The following EML5 variants were observed in gnomAD, a reference collection of about 807,000 sequenced individuals.
EML5 encodes the protein echinoderm microtubule-associated protein-like 5.
A neutral mutation model predicts 250.0 loss-of-function variants in EML5; 120 were observed. The ratio of observed to expected loss-of-function variants is 0.48; its 90% CI spans 0.41 to 0.56. The LOEUF is 0.56. Among genes scored for constraint, EML5 ranks in the 20% least tolerant of loss-of-function variants. The probability of loss-of-function intolerance (pLI) is 0.00; values close to 1 mark genes in which losing one functional copy is unlikely to be tolerated. For synonymous variants in EML5, 771 were observed against 806.5 expected (o/e 0.96, Z 0.75); for missense variants, 2,006 against 2,437.6 (o/e 0.82, Z 3.73).
intron 29 of EML5, among the ~76,000 whole-genome samples, chr14:88,645,373 C>G (rs1002226183): frequency 1.3e-5 from 2 of 152,080 alleles, no homozygotes; most frequent in Admixed American, 6.5e-5. Flanking sequence ...AATAACAGCA[C>G]AAGAGTAGAT....
At chr14:88,763,895 G>A (rs115785984) in intron 1 of EML5, among the ~76,000 whole-genome samples, 16 of 152,124 alleles carry the variant, frequency 1.1e-4, no homozygotes, top group African/African-American at 2.2e-4. Context: ...TTTTATAGCC[G>A]GGTTAAAGAA....
chr14:88,667,340 G>A (rs1262955580), intron 21 of EML5, among the ~76,000 whole-genome samples: 2 of 152,024 alleles, frequency 1.3e-5, no homozygotes, highest in Non-Finnish European at 2.9e-5. Context: ...ACAATTTTGT[G>A]TTAAAAGAAT....
chr14:88,631,164 GAT>G (rs34195019), intron 33 of EML5, among the ~76,000 whole-genome samples: 15,298 of 152,220 alleles, frequency 0.1, 852 homozygotes, highest in Non-Finnish European at 0.12. Context: ...AGAGACAAAA[GAT>G]ATTCCCATAG....
chr14:88,662,114 T>C (rs2092122090), intron 24 of EML5, among the ~76,000 whole-genome samples: 2 of 152,046 alleles, frequency 1.3e-5, no homozygotes, highest in African/African-American at 4.8e-5. Flanking sequence ...TTTCTGACTT[T>C]AGGATAATCA....
intron 1 of EML5, among the ~76,000 whole-genome samples, chr14:88,773,552 T>C (rs1397817158): frequency 6.6e-6 from 1 of 152,186 alleles, no homozygotes; most frequent in Non-Finnish European, 1.5e-5. Flanking sequence ...GGATTACTAT[T>C]AAATCCAGAG....
chr14:88,735,086 A>G (rs1283449176), intron 7 of EML5, among the ~76,000 whole-genome samples: 1 of 152,194 alleles, frequency 6.6e-6, no homozygotes, highest in Non-Finnish European at 1.5e-5. Flanking sequence ...ATCAGGGAAA[A>G]AAAAGACAAA....
intron 13 of EML5, among the ~76,000 whole-genome samples, 183 bp from the exon 14 acceptor site, chr14:88,702,815 T>C (rs1298596981): frequency 6.6e-6 from 1 of 152,026 alleles, no homozygotes; most frequent in Non-Finnish European, 1.5e-5. Context: ...AGTGCAGTGG[T>C]GTGACTGCAG....
intron 20 of EML5, 31 bp downstream of exon 20, chr14:88,684,983 AG>A: frequency 1.3e-6 from 2 of 1,571,236 alleles, no homozygotes. Flanking sequence ...TTGTATGTAA[AG>A]AAAAAAAAAC....
At chr14:88,618,485 A>G in intron 40 of EML5, 154 bp from the exon 41 acceptor site, 1 of 1,074,078 alleles carries the variant, frequency 9.3e-7, no homozygotes, top group African/African-American at 1.6e-5. Flanking sequence ...ATAGGAGAAA[A>G]GCTCTGATAA....
intron 29 of EML5, 58 bp from the exon 30 acceptor site, chr14:88,644,569 C>G: frequency 6.8e-7 from 1 of 1,465,164 alleles, no homozygotes; most frequent in Non-Finnish European, 9.6e-7. Context: ...CTTCACTGAG[C>G]CTCTCACACC....
intron 1 of EML5, among the ~76,000 whole-genome samples, chr14:88,756,221 A>G (rs886748313): frequency 2.0e-5 from 3 of 152,188 alleles, no homozygotes; most frequent in African/African-American, 7.2e-5. Flanking sequence ...ATCAACAAAT[A>G]TGGCATATTA....
At chr14:88,679,255 AC>A (rs1410726173) in intron 21 of EML5, among the ~76,000 whole-genome samples, 3 of 151,212 alleles carry the variant, frequency 2.0e-5, no homozygotes, top group Non-Finnish European at 4.4e-5. Context: ...TAGAACTTCA[AC>A]ATATCTTTTC....
chr14:88,729,865 T>TTTTTC (rs1248168978), intron 7 of EML5, among the ~76,000 whole-genome samples: 10 of 83,956 alleles, frequency 1.2e-4, no homozygotes, highest in African/African-American at 7.0e-4. Context: ...TCGGTCTTGT[T>TTTTTC]TTTTGTTTTT....
rs929585451 is a variant in EML5 at position 88,614,797 on chromosome 14, A to G, written c.*1021T>C. 1 of 152,164 alleles carries G rather than the reference A, an allele frequency of 6.6e-6. No homozygotes were observed. Among genetic ancestry groups the G allele is most frequent in the African/African-American group, 2.4e-5 (1 of 41,458 alleles). 9.4% of individuals were successfully genotyped at this position (152,164 alleles called of 1,614,324 possible). A position where few individuals can be genotyped will look rare whatever the true frequency, so the allele number is the denominator to read the frequency against. On this transcript the variant is annotated 3_prime_UTR_variant, in exon 44 of 44. Transcript: ENST00000554922. ...AATTCTAACTGACAAGTTTTTACAA[A>G]TGGAGTTGGGCTCATTCATTTTGGA...
intron 28 of EML5, among the ~76,000 whole-genome samples, chr14:88,647,747 A>G (rs2091427605): frequency 6.6e-6 from 1 of 151,772 alleles, no homozygotes; most frequent in African/African-American, 2.4e-5. Context: ...GAATCACAAG[A>G]AAGGTGAAAA....
chr14:88,697,898 G>A (rs1427791879), intron 14 of EML5, among the ~76,000 whole-genome samples: 1 of 151,920 alleles, frequency 6.6e-6, no homozygotes, highest in East Asian at 1.9e-4. Flanking sequence ...ACCACACCCA[G>A]CTAATTTTTT....
At chr14:88,621,410 G>C in intron 37 of EML5, 109 bp from the exon 38 acceptor site, 10 of 1,319,150 alleles carry the variant, frequency 7.6e-6, no homozygotes, top group Non-Finnish European at 9.6e-6. Context: ...TTTTTGCTTT[G>C]AGCTAATCTA....
intron 1 of EML5, among the ~76,000 whole-genome samples, chr14:88,763,740 C>G (rs933022810): frequency 6.6e-6 from 1 of 152,088 alleles, no homozygotes; most frequent in African/African-American, 2.4e-5. Flanking sequence ...TGATGAACAT[C>G]GATGCAAAAA....
At chr14:88,749,095 G>T (rs1456705158) in intron 2 of EML5, among the ~76,000 whole-genome samples, 1 of 151,824 alleles carries the variant, frequency 6.6e-6, no homozygotes, top group Non-Finnish European at 1.5e-5. Flanking sequence ...TCCCAAGCAG[G>T]ATAATCATTC....
Sources: gnomAD v4.1 joint callset for allele counts (sites outside exome capture counted in the v4.1 genomes callset) on GRCh38, gnomAD v4.1.1 for gene constraint, MANE v1.5 for transcripts, NCBI Gene and HGNC (gene_info 2026-07-23, HGNC 2026-07-21) for gene names.